Variants in PPP1R12A observed in about 807,000 individuals in gnomAD.
PPP1R12A encodes myosin binding subunit.
PPP1R12A carries 19 observed loss-of-function variants against 139.6 expected under a neutral mutation model. The observed-to-expected ratio is 0.14, with a 90% CI of 0.09 to 0.20. PPP1R12A has a LOEUF of 0.20. Among genes scored for constraint, PPP1R12A ranks in the 10% least tolerant of loss-of-function variants. The pLI is 1.00. For synonymous variants in PPP1R12A, 427 were observed against 420.6 expected, an observed-to-expected ratio of 1.02 and a Z score of -0.19; for missense variants, 925 against 1,211.5, an observed-to-expected ratio of 0.76 and a Z score of 3.51.
intron 1 of PPP1R12A, among the ~76,000 whole-genome samples, chr12:79,893,892 G>C (rs909117850): frequency 2.6e-5 from 4 of 152,150 alleles, no homozygotes; most frequent in African/African-American, 4.8e-5. Context: ...GAACATACCA[G>C]AGTACAAGTA....
intron 2 of PPP1R12A, among the ~76,000 whole-genome samples, chr12:79,849,395 G>GAAAAA (rs5799444): frequency 6.7e-6 from 1 of 150,146 alleles, no homozygotes; most frequent in Non-Finnish European, 1.5e-5. Context: ...TCAAAGGGGG[G>GAAAAA]AAAAAAAAAA....
chr12:79,790,143 T>C (rs185618565), intron 20 of PPP1R12A, among the ~76,000 whole-genome samples: 184 of 152,242 alleles, frequency 1.2e-3, no homozygotes, highest in African/African-American at 4.4e-3. Flanking sequence ...GAGAAGATTC[T>C]GAATACTTAA....
intron 2 of PPP1R12A, among the ~76,000 whole-genome samples, chr12:79,859,369 AC>A (rs141461246): frequency 0.036 from 5,266 of 145,712 alleles, 282 homozygotes; most frequent in East Asian, 0.18. Context: ...AAAAAAAAAA[AC>A]AACAGTGCTC....
intron 1 of PPP1R12A, among the ~76,000 whole-genome samples, chr12:79,909,247 AT>A (rs1886365159): frequency 6.6e-6 from 1 of 152,194 alleles, no homozygotes; most frequent in Non-Finnish European, 1.5e-5. Context: ...CATATGATTA[AT>A]GTGATAATGT....
chr12:79,812,391 C>CGTGTGTGT (rs1156924649), intron 9 of PPP1R12A, among the ~76,000 whole-genome samples: 9,151 of 134,484 alleles, frequency 0.068, 678 homozygotes, highest in African/African-American at 0.18. Context: ...TCTGTGTGTG[C>CGTGTGTGT]GTGTGTGTGT....
At chr12:79,833,232 TG>T (rs1293883395) in intron 3 of PPP1R12A, among the ~76,000 whole-genome samples, 1 of 151,910 alleles carries the variant, frequency 6.6e-6, no homozygotes, top group Non-Finnish European at 1.5e-5. Context: ...ATCATGCCAC[TG>T]CATTACAGCC....
chr12:79,869,903 C>CTATTATTATTAT (rs200825139), intron 2 of PPP1R12A, among the ~76,000 whole-genome samples: 2,609 of 145,414 alleles, frequency 0.018, 73 homozygotes, highest in African/African-American at 0.058. Flanking sequence ...ACTATTGTCT[C>CTATTATTATTAT]TATTATTATT....
At chr12:79,867,728 G>A (rs1207650478) in intron 2 of PPP1R12A, among the ~76,000 whole-genome samples, 1 of 152,132 alleles carries the variant, frequency 6.6e-6, no homozygotes, top group Non-Finnish European at 1.5e-5. Flanking sequence ...TGTTGTAGGA[G>A]GAACCCAGAG....
In PPP1R12A at chr12:79,846,392, G is replaced by A. The variant is rs1052292012; in HGVS notation, c.369-972C>T. ...CATCTCCCAGAGTCATCTACTGAAC[G>A]ATGTAACTAACCATCTATTACCCAA... On this transcript the variant is annotated intron_variant, in intron 2 of 24. Coordinates refer to ENST00000450142, the MANE Select transcript of PPP1R12A (RefSeq NM_002480.3). Among the ~76,000 whole-genome samples the A allele has an allele frequency of 3.9e-5, 6 of 151,940 alleles. No individual in the cohort carries two copies. In the East Asian group the frequency reaches 5.8e-4, roughly 15 times the overall value.
intron 24 of PPP1R12A, among the ~76,000 whole-genome samples, chr12:79,778,118 C>A (rs1869963041): frequency 6.6e-6 from 1 of 152,180 alleles, no homozygotes; most frequent in East Asian, 1.9e-4. Context: ...CCTGTTCACT[C>A]CCCTAATGTC....
At chr12:79,860,968 T>C (rs1881246783) in intron 2 of PPP1R12A, among the ~76,000 whole-genome samples, 1 of 152,100 alleles carries the variant, frequency 6.6e-6, no homozygotes, top group Admixed American at 6.5e-5. Flanking sequence ...TTCCCAGCAA[T>C]GTATGAGAGG....
intron 3 of PPP1R12A, among the ~76,000 whole-genome samples, chr12:79,840,256 G>C (rs1414692123): frequency 6.6e-6 from 1 of 152,188 alleles, no homozygotes. Context: ...ATGAAGAAAT[G>C]CATGTGAAGC....
intron 20 of PPP1R12A, 143 bp from the exon 21 acceptor site, chr12:79,788,926 A>G (rs1397009244): frequency 4.2e-6 from 3 of 716,392 alleles, no homozygotes; most frequent in Non-Finnish European, 6.4e-6. Context: ...TTTGTGATAT[A>G]TAATAAGTGG....
intron 1 of PPP1R12A, among the ~76,000 whole-genome samples, chr12:79,898,046 T>A (rs540545619): frequency 3.3e-5 from 5 of 152,252 alleles, no homozygotes; most frequent in Non-Finnish European, 5.9e-5. Context: ...TTTAAATGTC[T>A]ACTGCCAGAA....
intron 1 of PPP1R12A, among the ~76,000 whole-genome samples, chr12:79,879,334 T>C (rs1410863958): frequency 6.6e-6 from 1 of 151,506 alleles, no homozygotes; most frequent in East Asian, 1.9e-4. Flanking sequence ...GCTACTGAGC[T>C]CCAAGCCTGA....
intron 3 of PPP1R12A, among the ~76,000 whole-genome samples, chr12:79,835,748 T>A (rs1877994842): frequency 6.6e-6 from 1 of 152,186 alleles, no homozygotes; most frequent in Admixed American, 6.5e-5. Context: ...TATGACTTGG[T>A]CTCAGTGCAT....
chr12:79,815,390 A>C (rs1381112491), intron 9 of PPP1R12A, among the ~76,000 whole-genome samples: 1 of 152,008 alleles, frequency 6.6e-6, no homozygotes, highest in Non-Finnish European at 1.5e-5. Context: ...GGTGTGGTGG[A>C]GGTGCCTGTG....
intron 1 of PPP1R12A, among the ~76,000 whole-genome samples, chr12:79,924,145 A>T (rs1368880046): frequency 6.6e-6 from 1 of 152,218 alleles, no homozygotes; most frequent in Non-Finnish European, 1.5e-5. Context: ...CATGTATATC[A>T]AAAAATAATG....
At chr12:79,850,789 C>G (rs891526573) in intron 2 of PPP1R12A, among the ~76,000 whole-genome samples, 1 of 152,092 alleles carries the variant, frequency 6.6e-6, no homozygotes, top group African/African-American at 2.4e-5. Flanking sequence ...AGAGTTCTCA[C>G]GAGATATGGC....
Sources: allele counts gnomAD v4.1 joint callset (sites outside exome capture counted in the v4.1 genomes callset), GRCh38; gene constraint gnomAD v4.1.1; transcripts MANE v1.5; gene names NCBI Gene and HGNC (gene_info 2026-07-23, HGNC 2026-07-21).